Variants in CNTNAP2 observed in about 807,000 individuals in gnomAD.
CNTNAP2 encodes contactin associated protein 2, also known as contactin-associated protein-like 2.
CNTNAP2 carries 98 observed loss-of-function variants against 155.2 expected under a neutral mutation model. The observed-to-expected ratio is 0.63, with a 90% CI of 0.54 to 0.75. CNTNAP2 has a LOEUF of 0.75. Ranked by LOEUF, CNTNAP2 falls within the 30% of genes least tolerant of loss-of-function variation. The pLI is 0.00. For synonymous variants in CNTNAP2, 651 were observed against 631.2 expected, an observed-to-expected ratio of 1.03 and a Z score of -0.47; for missense variants, 1,727 against 1,688.1, an observed-to-expected ratio of 1.02 and a Z score of -0.40.
chr7:146,937,201 C>T (rs373809767), intron 3 of CNTNAP2, among the ~76,000 whole-genome samples: 8 of 151,694 alleles, frequency 5.3e-5, no homozygotes, highest in African/African-American at 1.9e-4. Flanking sequence ...TCCTGGCTAA[C>T]ACAGTGAAAC....
intron 11 of CNTNAP2, among the ~76,000 whole-genome samples, chr7:147,492,830 G>T (rs1798633503): frequency 6.6e-6 from 1 of 152,102 alleles, no homozygotes; most frequent in Non-Finnish European, 1.5e-5. Flanking sequence ...GAATGATTCA[G>T]ATTTAATCAC....
intron 23 of CNTNAP2, among the ~76,000 whole-genome samples, chr7:148,413,284 C>T (rs1251213035): frequency 6.7e-6 from 1 of 149,754 alleles, no homozygotes; most frequent in Non-Finnish European, 1.5e-5. Context: ...CCCAGCTACT[C>T]GGGAGGCTGA....
chr7:146,504,987 A>G (rs1167060716), intron 1 of CNTNAP2, among the ~76,000 whole-genome samples: 1 of 152,184 alleles, frequency 6.6e-6, no homozygotes, highest in African/African-American at 2.4e-5. Flanking sequence ...TCTACACATC[A>G]TGATACCTGT....
At chr7:146,378,268 T>A (rs1475424339) in intron 1 of CNTNAP2, among the ~76,000 whole-genome samples, 1 of 152,096 alleles carries the variant, frequency 6.6e-6, no homozygotes, top group African/African-American at 2.4e-5. Flanking sequence ...GATATTTGAG[T>A]TTCACTCTCA....
At chr7:146,248,107 A>G (rs62308345) in intron 1 of CNTNAP2, among the ~76,000 whole-genome samples, 4 of 148,412 alleles carry the variant, frequency 2.7e-5, no homozygotes, top group African/African-American at 1.0e-4. Flanking sequence ...GGGTCGGGGC[A>G]CAGAGATATA....
intron 4 of CNTNAP2, among the ~76,000 whole-genome samples, chr7:147,083,537 C>CAT (rs67074589): frequency 2.0e-4 from 26 of 128,438 alleles, no homozygotes; most frequent in African/African-American, 4.3e-4. Context: ...TATATATATA[C>CAT]ATATATATAT....
chr7:146,566,915 A>G (rs1798366081), intron 1 of CNTNAP2, among the ~76,000 whole-genome samples: 1 of 152,124 alleles, frequency 6.6e-6, no homozygotes, highest in Non-Finnish European at 1.5e-5. Context: ...TGACACACAT[A>G]CATACCTCAT....
intron 1 of CNTNAP2, among the ~76,000 whole-genome samples, chr7:146,625,820 T>G (rs1465212549): frequency 2.0e-5 from 3 of 151,950 alleles, no homozygotes; most frequent in African/African-American, 7.2e-5. Context: ...GGTAATGAAT[T>G]CTCCTACAAA....
chr7:146,129,047 T>C (rs1383447263), intron 1 of CNTNAP2, among the ~76,000 whole-genome samples: 3 of 152,200 alleles, frequency 2.0e-5, no homozygotes, highest in Non-Finnish European at 4.4e-5. Flanking sequence ...AATTTTAATT[T>C]ATTATCTACT....
chr7:146,150,222 G>A (rs1298202425), intron 1 of CNTNAP2, among the ~76,000 whole-genome samples: 1 of 152,058 alleles, frequency 6.6e-6, no homozygotes, highest in Non-Finnish European at 1.5e-5. Flanking sequence ...ACACTCACTA[G>A]AATTGCTAAA....
chr7:146,476,549 G>A lies in CNTNAP2; in HGVS notation c.98-297722G>A, dbSNP rs58645229. 6.1e-3 allele frequency among the ~76,000 whole-genome samples: 926 copies of A among 152,196 alleles called. 7 individuals carry two copies. The highest frequency in any genetic ancestry group is 0.021 in the African/African-American group (876 of 41,530). On this transcript the variant is annotated intron_variant, in intron 1 of 23. Coordinates refer to ENST00000361727, the MANE Select transcript of CNTNAP2 (RefSeq NM_014141.6). The stretch of plus-strand genomic sequence containing the variant: ...TGGAGAGGCAAGCATTTTGTGCTAT[G>A]AATTGAACGTAGAGTTGTACACAGA...
At chr7:146,273,253 T>C (rs780900766) in intron 1 of CNTNAP2, among the ~76,000 whole-genome samples, 4 of 151,726 alleles carry the variant, frequency 2.6e-5, no homozygotes, top group Non-Finnish European at 5.9e-5. Context: ...TCATTCCATC[T>C]GTATTATAAG....
intron 13 of CNTNAP2, among the ~76,000 whole-genome samples, chr7:147,701,381 TTATCATGTGACTTG>T (rs1411155743): frequency 2.0e-5 from 3 of 152,186 alleles, no homozygotes; most frequent in Non-Finnish European, 4.4e-5. Context: ...TAACATTAAT[TTATCATGTGACTTG>T]TATCATGTAA....
At chr7:146,321,501 C>T (rs997442365) in intron 1 of CNTNAP2, among the ~76,000 whole-genome samples, 2 of 152,072 alleles carry the variant, frequency 1.3e-5, no homozygotes, top group African/African-American at 4.8e-5. Flanking sequence ...ACACTGAGAA[C>T]AAAAGCAGGC....
At chr7:146,640,745 T>C (rs1056472213) in intron 1 of CNTNAP2, among the ~76,000 whole-genome samples, 2 of 152,210 alleles carry the variant, frequency 1.3e-5, no homozygotes, top group African/African-American at 2.4e-5. Flanking sequence ...TCTTCTTTAA[T>C]ATAAAGCATC....
intron 13 of CNTNAP2, among the ~76,000 whole-genome samples, chr7:147,894,621 T>C (rs867389843): frequency 2.0e-5 from 3 of 152,186 alleles, no homozygotes; most frequent in Non-Finnish European, 2.9e-5. Context: ...GCCAAAAAGA[T>C]GCTTTTACGT....
chr7:148,413,401 A>AAAAAAAAAATAT (rs1442990213), intron 23 of CNTNAP2, among the ~76,000 whole-genome samples: 8 of 45,366 alleles, frequency 1.8e-4, no homozygotes, highest in African/African-American at 6.3e-4. Context: ...TCAAAAAAAA[A>AAAAAAAAAATAT]ATATATATAT....
chr7:146,721,958 A>T (rs867738245), intron 1 of CNTNAP2, among the ~76,000 whole-genome samples: 6 of 141,756 alleles, frequency 4.2e-5, no homozygotes, highest in African/African-American at 1.7e-4. Context: ...GCACGACTTC[A>T]GCTCACTGCA....
chr7:146,973,164 A>G (rs976560118), intron 3 of CNTNAP2, among the ~76,000 whole-genome samples: 4 of 152,028 alleles, frequency 2.6e-5, no homozygotes, highest in African/African-American at 9.7e-5. Flanking sequence ...TAGTAGCTGG[A>G]ATTATAGGCA....
Sources: allele counts gnomAD v4.1 joint callset (sites outside exome capture counted in the v4.1 genomes callset), GRCh38; gene constraint gnomAD v4.1.1; transcripts MANE v1.5; gene names NCBI Gene and HGNC (gene_info 2026-07-23, HGNC 2026-07-21).